The following PPP4R3B variants were observed in gnomAD, a reference collection of about 807,000 sequenced individuals.
PPP4R3B encodes the protein protein phosphatase 4 regulatory subunit 3B, also known as serine/threonine-protein phosphatase 4 regulatory subunit 3B.
In PPP4R3B, 52 loss-of-function variants were observed where a neutral mutation model predicts 95.4. The observed-to-expected ratio is 0.54, with a 90% CI of 0.44 to 0.69. The LOEUF (loss-of-function observed/expected upper bound fraction) is 0.69. Among genes scored for constraint, PPP4R3B ranks in the 30% least tolerant of loss-of-function variants. PPP4R3B has a pLI of 0.00. For synonymous variants in PPP4R3B, 407 were observed against 343.9 expected (o/e 1.18, Z -2.03); for missense variants, 1,003 against 1,005.9 (o/e 1.00, Z 0.04).
chr2:55,579,823 A>G, intron 8 of PPP4R3B, 42 bp from the exon 9 acceptor site: 4 of 1,290,072 alleles, frequency 3.1e-6, no homozygotes, highest in Non-Finnish European at 4.4e-6. Flanking sequence ...TACTTATGTA[A>G]ATAAAAACAT....
chr2:55,564,634 A>C, intron 14 of PPP4R3B, 137 bp from the exon 15 acceptor site: 1 of 821,142 alleles, frequency 1.2e-6, no homozygotes, highest in South Asian at 2.0e-5. Flanking sequence ...TAATCTCTGT[A>C]ATGATAGAAG....
chr2:55,558,993 C>T (rs763353470), intron 15 of PPP4R3B, 25 bp from the exon 16 acceptor site: 48 of 1,573,082 alleles, frequency 3.1e-5, no homozygotes, highest in Middle Eastern at 1.8e-4. Context: ...AAATTTTGAA[C>T]GTATATCAAT....
At chr2:55,603,954 T>A in intron 3 of PPP4R3B, 24 bp downstream of exon 3, 2 of 1,530,908 alleles carry the variant, frequency 1.3e-6, no homozygotes, top group South Asian at 1.2e-5. Flanking sequence ...AACATTAAGT[T>A]AAATATTATA....
chr2:55,592,198 C>T (rs1250958245), intron 4 of PPP4R3B, among the ~76,000 whole-genome samples: 9 of 152,256 alleles, frequency 5.9e-5, no homozygotes, highest in African/African-American at 1.9e-4. Context: ...GATTTTGCAA[C>T]ATTACAGAGA....
At chr2:55,568,593 A>T (rs1687593717) in intron 12 of PPP4R3B, among the ~76,000 whole-genome samples, 1 of 152,260 alleles carries the variant, frequency 6.6e-6, no homozygotes, top group Non-Finnish European at 1.5e-5. Flanking sequence ...ACAACTTTGT[A>T]GCCAGAACTA....
intron 12 of PPP4R3B, 74 bp from the exon 13 acceptor site, chr2:55,568,437 A>G: frequency 7.9e-7 from 1 of 1,261,944 alleles, no homozygotes; most frequent in Non-Finnish European, 1.1e-6. Flanking sequence ...TTTTTCCACC[A>G]TAAAGCAATG....
At chr2:55,592,111 T>C (rs986939547) in intron 4 of PPP4R3B, among the ~76,000 whole-genome samples, 43 of 152,126 alleles carry the variant, frequency 2.8e-4, no homozygotes, top group African/African-American at 1.0e-3. Flanking sequence ...GTAATATAAA[T>C]ACAGGCCAAA....
rs183142262 is a variant in PPP4R3B, at chr2:55,614,832, T to C, written c.198+619A>G. 100 of 152,258 alleles carry C rather than the reference T, an allele frequency of 6.6e-4. 1 individual carries two copies. Among genetic ancestry groups the C allele is most frequent in the African/African-American group, 2.3e-3 (96 of 41,562 alleles). 9.4% of individuals were successfully genotyped at this position (152,258 alleles called of 1,614,324 possible). On this transcript the variant is annotated intron_variant, in intron 2 of 16. Transcript: ENST00000616407. The stretch of plus-strand genomic sequence containing the variant: ...ATATTTCATAATAAAAACAAAAACA[T>C]TCACAGAATAAAAAAGATTGAATCA...
At chr2:55,610,056 T>C (rs1208759693) in intron 2 of PPP4R3B, among the ~76,000 whole-genome samples, 1 of 152,206 alleles carries the variant, frequency 6.6e-6, no homozygotes, top group Admixed American at 6.5e-5. Flanking sequence ...CTTCCCACTT[T>C]CTGGAAAGAA....
At chr2:55,597,693 C>A (rs962170377) in intron 4 of PPP4R3B, among the ~76,000 whole-genome samples, 5 of 152,098 alleles carry the variant, frequency 3.3e-5, no homozygotes, top group Non-Finnish European at 7.4e-5. Context: ...CCCAGCTACT[C>A]AGGAGGCTGA....
chr2:55,563,527 T>C (rs965791270), intron 15 of PPP4R3B, among the ~76,000 whole-genome samples: 1 of 152,076 alleles, frequency 6.6e-6, no homozygotes, highest in East Asian at 1.9e-4. Context: ...TAAGTGCCAC[T>C]GTGCCCATTT....
At chr2:55,600,456 A>AAAG (rs1692404304) in intron 3 of PPP4R3B, among the ~76,000 whole-genome samples, 3 of 144,540 alleles carry the variant, frequency 2.1e-5, no homozygotes, top group Non-Finnish European at 3.0e-5. Flanking sequence ...AAAAAAAAAA[A>AAAG]GGCGGGCAGG....
In PPP4R3B at chr2:55,588,802, G is replaced by T. The variant is rs1574825827; in HGVS notation, c.999+77C>A. ...ATCTAATTACAAAAAATTGTCTCAA[G>T]TTAGCAAATTCAAGATTAAAAGCTG... is the stretch of plus-strand genomic sequence containing the variant. On this transcript the variant is annotated intron_variant, in intron 5 of 16. Coordinates refer to ENST00000616407, the MANE Select transcript of PPP4R3B (RefSeq NM_001122964.3). 4 of 893,470 alleles carry T rather than the reference G, an allele frequency of 4.5e-6. No homozygotes were observed. The East Asian group carries it at 7.7e-5, about 17-fold the overall frequency. The allele number at this position is 893,470 out of a possible 1,614,324, so 55.3% of individuals were successfully genotyped here.
chr2:55,573,885 CCT>C (rs1491237189), intron 11 of PPP4R3B, 108 bp from the exon 12 acceptor site: 13 of 479,476 alleles, frequency 2.7e-5, no homozygotes, highest in East Asian at 4.8e-5. Flanking sequence ...TGTATTTCCT[CCT>C]TTTTTTTTTT....
In PPP4R3B at chr2:55,557,307, C is replaced by G. The variant is rs577529870; in HGVS notation, c.2454+1468G>C. 2.6e-5 allele frequency among the ~76,000 whole-genome samples: 4 copies of G among 152,262 alleles called. No individual in the cohort carries two copies. The East Asian group carries it at 7.7e-4, about 29-fold the overall frequency. ...TCTCAGGCTCAAACCATTCTCCTGCCTGACTCTTGAGTAGCTGGGACCACA... is the reference window on the plus strand; with the variant it reads ...TCTCAGGCTCAAACCATTCTCCTGCGTGACTCTTGAGTAGCTGGGACCACA... On this transcript the variant is annotated intron_variant, in intron 16 of 16. Transcript: ENST00000616407.
chr2:55,578,183 C>CAAGAAAA, intron 10 of PPP4R3B, 64 bp downstream of exon 10: 1 of 1,256,548 alleles, frequency 8.0e-7, no homozygotes, highest in Non-Finnish European at 1.0e-6. Context: ...AAAAATAATA[C>CAAGAAAA]CGTATATACA....
chr2:55,560,739 T>C (rs2103878142), intron 15 of PPP4R3B, among the ~76,000 whole-genome samples: 1 of 125,554 alleles, frequency 8.0e-6, no homozygotes, highest in African/African-American at 3.1e-5. Flanking sequence ...ATCATGCCAC[T>C]GCATTCCAGC....
At chr2:55,592,572 G>C (rs1373299204) in intron 4 of PPP4R3B, among the ~76,000 whole-genome samples, 1 of 152,116 alleles carries the variant, frequency 6.6e-6, no homozygotes, top group East Asian at 1.9e-4. Context: ...CTGTAACTGG[G>C]ATGGGAAGTT....
chr2:55,583,238 G>C (rs1689661334), intron 7 of PPP4R3B, among the ~76,000 whole-genome samples: 1 of 151,966 alleles, frequency 6.6e-6, no homozygotes, highest in Non-Finnish European at 1.5e-5. Context: ...GACTTAATTT[G>C]GATTTTTTTT....
Sources: gnomAD v4.1 joint callset for allele counts (sites outside exome capture counted in the v4.1 genomes callset) on GRCh38, gnomAD v4.1.1 for gene constraint, MANE v1.5 for transcripts, NCBI Gene and HGNC (gene_info 2026-07-23, HGNC 2026-07-21) for gene names.